Variants in TNNI1 observed in about 807,000 individuals in gnomAD.
The protein encoded by TNNI1 is troponin I, slow skeletal muscle.
A neutral mutation model predicts 26.7 loss-of-function variants in TNNI1; 14 were observed. The observed-to-expected ratio is 0.52, with a 90% CI of 0.35 to 0.82. The LOEUF (loss-of-function observed/expected upper bound fraction) is 0.82, where lower values mean the gene tolerates loss of function less well. TNNI1 is among the 40% of genes least tolerant of loss of function. TNNI1 has a pLI of 0.01. For missense variants in TNNI1, 164 were observed against 257.0 expected (o/e 0.64, Z 2.47); for synonymous variants, 79 against 98.2 (o/e 0.80, Z 1.16).
rs941497858 is a variant in TNNI1, at chr1:201,408,820, T to C, written c.*433A>G. On this transcript the variant is annotated 3_prime_UTR_variant, in exon 9 of 9. Transcript: ENST00000361379. The stretch of plus-strand genomic sequence containing the variant: ...CAGCCCTCTCTTCCCAAGCCCCAAG[T>C]CTTCCCTTTCTTCTCAGGGCTCACA... The C allele has an allele frequency of 6.6e-6, 1 of 152,216 alleles. No homozygotes were observed. Among genetic ancestry groups the C allele is most frequent in the Admixed American group, 6.5e-5 (1 of 15,282 alleles). 9.4% of individuals were successfully genotyped at this position (152,216 alleles called of 1,614,324 possible).
rs2296695 is a variant in TNNI1, at chr1:201,413,112, G to C, written c.199C>G (p.Arg67Gly). 3 of 1,613,982 alleles carry C rather than the reference G, an allele frequency of 1.9e-6. No homozygotes were observed. The South Asian group carries it at 3.3e-5, about 18-fold the overall frequency. ...LSLSALQDLC[R>G]ELHAKVEVVD... ...ACCTCCACCTTGGCGTGCAGCTCCC[G>C]GCACAGGTCCTGGGGGCCGCAGATG... The change falls in exon 6 of 9, where the codon CGG becomes GGG. Residue 67 changes from arginine to glycine, a missense_variant. Arg to Gly is a moderately radical substitution (Grantham distance 125). Coordinates refer to ENST00000361379, the MANE Select transcript of TNNI1 (RefSeq NM_003281.4).
chr1:201,413,073 G>A lies in TNNI1; in HGVS notation c.238C>T (p.Arg80Ter), dbSNP rs1159048123. 6.2e-6 allele frequency: 10 copies of A among 1,614,056 alleles called. No homozygotes were observed. The highest frequency in any genetic ancestry group is 7.6e-6 in the Non-Finnish European group (9 of 1,179,970). The change falls in exon 6 of 9, where the codon CGA becomes TGA. Residue 80 changes from arginine to a stop codon, truncating the protein, a stop_gained. Transcript: ENST00000361379. LOFTEE classifies it high-confidence loss of function. ...AGGCATTTGGCCTCAATGTCGTATC[G>A]CTCCTCATCCACCACCTCCACCTTG... is the stretch of plus-strand genomic sequence containing the variant. ...HAKVEVVDEE[R>*]YDIEAKCLHN...
chr1:201,411,457 G>A lies in TNNI1; in HGVS notation c.356C>T (p.Ser119Leu), dbSNP rs1571734983. Residue 119 changes from serine (S) to leucine (L), a missense_variant, in exon 7 of 9, where the codon TCG (serine) becomes TTG (leucine). Transcript: ENST00000361379. This position sits in a 1 kb window ranked among gnomAD's most constrained non-coding sequence, Gnocchi z 4.6. The stretch of plus-strand genomic sequence containing the variant: ...CAGGGCCCGGAGCATGGCGTCAGCC[G>A]AGACACGGACTCGACGCAGGGGCGG... ...KRPPLRRVRV[S>L]ADAMLRALLG... The A allele has an allele frequency of 2.5e-6, 4 of 1,613,676 alleles. No homozygotes were observed. The highest frequency in any genetic ancestry group is 1.7e-6 in the Non-Finnish European group (2 of 1,179,836).
intron 3 of TNNI1, 129 bp downstream of exon 3, chr1:201,416,987 C>T (rs893812690): frequency 1.9e-5 from 21 of 1,108,732 alleles, no homozygotes; most frequent in Non-Finnish European, 2.8e-5. Flanking sequence ...CACTAAATAC[C>T]CTACACCCCC....
In TNNI1 at chr1:201,411,014, G is replaced by A. The variant is rs1662623676; in HGVS notation, c.456+343C>T. On this transcript the variant is annotated intron_variant, in intron 7 of 8. Coordinates refer to ENST00000361379, the MANE Select transcript of TNNI1 (RefSeq NM_003281.4). The surrounding 1 kb of genome is among the most constrained non-coding windows in gnomAD (Gnocchi z 4.6). ...GTGGCTATAACCAAGATGAGCTGCT[G>A]TCTCCTTTCCCTGTGGTGACCAGGC... Among the ~76,000 whole-genome samples, 2 of 152,198 alleles carry A rather than the reference G, an allele frequency of 1.3e-5. No homozygotes were observed. The highest frequency in any genetic ancestry group is 4.8e-5 in the African/African-American group (2 of 41,448).
At chr1:201,414,896 C>G (rs1479642339) in intron 4 of TNNI1, among the ~76,000 whole-genome samples, 7 of 152,258 alleles carry the variant, frequency 4.6e-5, no homozygotes, top group Admixed American at 3.9e-4. Flanking sequence ...TTTTGACCCA[C>G]AAAACTCCAA....
chr1:201,405,835 C>G lies in TNNI1; in HGVS notation c.*3418G>C, dbSNP rs1022588225. 1 of 152,328 alleles carries G rather than the reference C, an allele frequency of 6.6e-6. No homozygotes were observed. Among genetic ancestry groups the G allele is most frequent in the East Asian group, 1.9e-4 (1 of 5,196 alleles). 9.4% of individuals were successfully genotyped at this position (152,328 alleles called of 1,614,324 possible). ...TCCTGCCCTGGTCATTCCTACCAAG[C>G]AGAGAGGAGCACCAGGCCCATCTCC... On this transcript the variant is annotated 3_prime_UTR_variant, in exon 9 of 9. Transcript: ENST00000361379.
intron 5 of TNNI1, 29 bp downstream of exon 5, chr1:201,414,489 C>T: frequency 6.5e-7 from 1 of 1,536,974 alleles, no homozygotes; most frequent in South Asian, 1.2e-5. Flanking sequence ...TCCAGCCCCA[C>T]CCTGCCCCGC....
At chr1:201,417,055 CT>C (rs1662755292) in intron 3 of TNNI1, 60 bp downstream of exon 3, 2 of 1,610,182 alleles carry the variant, frequency 1.2e-6, no homozygotes, top group Admixed American at 3.3e-5. Context: ...CCAACCCCAC[CT>C]TCCCACTTTT....
Position 201,417,077 on chromosome 1 carries a change from A to G in TNNI1, c.15+39T>C, listed in dbSNP as rs758885764. ...CACCTTCCCACTTTTACCAGTCGTT[A>G]GAGTTAACCAAGACAGAGATACCCC... On this transcript the variant is annotated intron_variant, in intron 3 of 8. Transcript: ENST00000361379. 3 of 1,612,988 alleles carry G rather than the reference A, an allele frequency of 1.9e-6. No homozygotes were observed. The African/African-American group carries it at 4.0e-5, about 22-fold the overall frequency.
rs143063467 is a variant in TNNI1 at position 201,414,297 on chromosome 1, G to A, written c.189+221C>T. On this transcript the variant is annotated intron_variant, in intron 5 of 8. Coordinates refer to ENST00000361379, the MANE Select transcript of TNNI1 (RefSeq NM_003281.4). ...GGGCCGCCCAGCCCAGGCAAGTCAC[G>A]CCTCCCCTCTGATGCTCAGTTCAGT... 4.7e-3 allele frequency among the ~76,000 whole-genome samples: 717 copies of A among 152,310 alleles called. 1 individual carries two copies. Among genetic ancestry groups the A allele is most frequent in the Non-Finnish European group, 8.3e-3 (566 of 68,036 alleles).
chr1:201,421,231 C>T (rs746338314), intron 1 of TNNI1, among the ~76,000 whole-genome samples: 2 of 152,146 alleles, frequency 1.3e-5, no homozygotes, highest in Non-Finnish European at 1.5e-5. Flanking sequence ...GGGAGTCCTG[C>T]GCGTCAGGCA....
At chr1:201,410,990 T>C (rs1662623165) in intron 7 of TNNI1, among the ~76,000 whole-genome samples, 1 of 152,256 alleles carries the variant, frequency 6.6e-6, no homozygotes, top group Non-Finnish European at 1.5e-5. Context: ...TGCTCGTGTG[T>C]GGCTATAACC....
chr1:201,420,678 G>T (rs767170201), intron 1 of TNNI1, among the ~76,000 whole-genome samples: 3 of 152,148 alleles, frequency 2.0e-5, no homozygotes, highest in Non-Finnish European at 4.4e-5. Context: ...AGGCTCATGT[G>T]CTTCCCCCTG....
At chr1:201,418,842 TTAA>T (rs1279477081) in intron 1 of TNNI1, among the ~76,000 whole-genome samples, 1 of 152,118 alleles carries the variant, frequency 6.6e-6, no homozygotes, top group Non-Finnish European at 1.5e-5. Context: ...ATGTTTATTA[TTAA>T]TAATAAGTAA....
chr1:201,417,224 G>C (rs554282058), intron 2 of TNNI1, 105 bp from the exon 3 acceptor site: 5 of 1,459,278 alleles, frequency 3.4e-6, no homozygotes, highest in South Asian at 1.1e-5. Context: ...GACCAGCTTG[G>C]GGGAGGAGGG....
chr1:201,414,664 C>G lies in TNNI1; in HGVS notation c.58-15G>C. 1.2e-6 allele frequency: 2 copies of G among 1,609,410 alleles called. No individual in the cohort carries two copies. Among genetic ancestry groups the G allele is most frequent in the Non-Finnish European group, 1.7e-6 (2 of 1,177,542 alleles). ...AGCATCAGGCTCTGGACAGGACACA[C>G]CTGCTGAGCTGGGGGCCTCACATCT... On this transcript the variant is annotated splice_polypyrimidine_tract_variant and intron_variant, in intron 4 of 8. Coordinates refer to ENST00000361379, the MANE Select transcript of TNNI1 (RefSeq NM_003281.4).
intron 1 of TNNI1, among the ~76,000 whole-genome samples, chr1:201,419,435 G>A (rs776518337): frequency 6.6e-6 from 1 of 152,196 alleles, no homozygotes; most frequent in Non-Finnish European, 1.5e-5. Flanking sequence ...GTGTGCAGGG[G>A]CGCACAGGAG....
chr1:201,416,940 T>C lies in TNNI1; in HGVS notation c.15+176A>G, dbSNP rs916861329. Among the ~76,000 whole-genome samples the C allele has an allele frequency of 2.6e-5, 4 of 152,030 alleles. No individual in the cohort carries two copies. In the East Asian group the frequency reaches 7.7e-4, roughly 29 times the overall value. On this transcript the variant is annotated intron_variant, in intron 3 of 8. Coordinates refer to ENST00000361379, the MANE Select transcript of TNNI1 (RefSeq NM_003281.4). Reference sequence around the variant, plus strand: ...CTAGGAAGCCCCACATCCAGAATCTTCACCTGACGTTTCCATCTCCTGGGA... The same window carrying C: ...CTAGGAAGCCCCACATCCAGAATCTCCACCTGACGTTTCCATCTCCTGGGA...
Sources: allele counts gnomAD v4.1 joint callset (sites outside exome capture counted in the v4.1 genomes callset), GRCh38; gene constraint gnomAD v4.1.1; non-coding constraint Gnocchi (gnomAD v3.1); transcripts MANE v1.5; gene names NCBI Gene and HGNC (gene_info 2026-07-23, HGNC 2026-07-21).